Variants in KRT18 observed in about 807,000 individuals in gnomAD.
KRT18 encodes the protein keratin 18, also known as keratin, type I cytoskeletal 18.
A neutral mutation model predicts 39.9 loss-of-function variants in KRT18; 8 were observed. The observed-to-expected ratio is 0.20, with a 90% CI of 0.12 to 0.36. The LOEUF (loss-of-function observed/expected upper bound fraction) is 0.36, where lower values mean the gene tolerates loss of function less well. Among genes scored for constraint, KRT18 ranks in the 10% least tolerant of loss-of-function variants. KRT18 has a pLI of 1.00. For synonymous variants in KRT18, 194 were observed against 227.8 expected (o/e 0.85, Z 1.33); for missense variants, 396 against 565.7 (o/e 0.70, Z 3.04).
At chr12:52,949,986 G>A in intron 1 of KRT18, 1 of 610,948 alleles carries the variant, frequency 1.6e-6, no homozygotes, top group South Asian at 2.0e-5. Context: ...AGCCAATCCA[G>A]GGTGTAGGGG....
intron 3 of KRT18, 70 bp downstream of exon 3, chr12:52,950,976 G>A: frequency 6.9e-7 from 1 of 1,447,962 alleles, no homozygotes; most frequent in South Asian, 1.2e-5. Flanking sequence ...GAATAGACAA[G>A]ACAAACCAAC....
intron 5 of KRT18, 116 bp downstream of exon 5, chr12:52,951,972 A>G (rs2120779009): frequency 7.0e-7 from 1 of 1,424,982 alleles, no homozygotes; most frequent in East Asian, 2.3e-5. Flanking sequence ...AGAAAGAGTC[A>G]GTTTCCTCTT....
chr12:52,949,215 G>A lies in KRT18; in HGVS notation c.42G>A (p.Arg14=), dbSNP rs760023196. ...GCTCCACCTTCTCCACCAACTACCGGTCCCTGGGCTCTGTCCAGGCGCCCA... is the reference window on the plus strand; with the variant it reads ...GCTCCACCTTCTCCACCAACTACCGATCCCTGGGCTCTGTCCAGGCGCCCA... ...TTRSTFSTNY[R]SLGSVQAPSY... The change falls in exon 1 of 7, where the codon CGG becomes CGA. Residue 14 remains arginine (R), a synonymous_variant. Coordinates refer to ENST00000388835, the MANE Select transcript of KRT18 (RefSeq NM_000224.3). 7.4e-6 allele frequency: 12 copies of A among 1,611,664 alleles called. No homozygotes were observed. Among genetic ancestry groups the A allele is most frequent in the Non-Finnish European group, 1.0e-5 (12 of 1,179,904 alleles).
chr12:52,948,971 C>T (rs1942403035), upstream of KRT18: 2 of 438,216 alleles, frequency 4.6e-6, no homozygotes, highest in Non-Finnish European at 7.9e-6. Flanking sequence ...GCGCGGAGGG[C>T]GCGGGGGTGG....
intron 6 of KRT18, 140 bp downstream of exon 6, chr12:52,952,482 G>T: frequency 1.3e-6 from 1 of 763,090 alleles, no homozygotes; most frequent in South Asian, 1.5e-5. Context: ...GTGCTCCTGT[G>T]TCTTCAAGGG....
chr12:52,951,906 ACCCAACCCTGT>A, intron 5 of KRT18, 50 bp downstream of exon 5: 1 of 1,602,670 alleles, frequency 6.2e-7, no homozygotes, highest in Admixed American at 1.7e-5. Context: ...TTGGCCTCAG[ACCCAACCCTGT>A]CTCAACCCAA....
chr12:52,949,023 G>C, upstream of KRT18: 1 of 700,198 alleles, frequency 1.4e-6, no homozygotes, highest in Admixed American at 2.7e-5. Context: ...CGCGGGCTCC[G>C]AGCCGTCCAC....
At chr12:52,950,175 G>A (rs1304994508) in intron 1 of KRT18, 153 bp from the exon 2 acceptor site, 2 of 750,750 alleles carry the variant, frequency 2.7e-6, no homozygotes, top group Non-Finnish European at 4.9e-6. Context: ...ATGGGGTGGG[G>A]CTAGATGAAA....
chr12:52,951,933 A>T lies in KRT18; in HGVS notation c.948+77A>T, dbSNP rs1307276970. ...CCAACCCTGTCTCAACCCAAATCCT[A>T]TCCCTCATATCATGAGTTCCTTTAG... On this transcript the variant is annotated intron_variant, in intron 5 of 6. Transcript: ENST00000388835. The T allele has an allele frequency of 1.0e-5, 16 of 1,550,144 alleles. 1 individual carries two copies. The East Asian group carries it at 3.4e-4, about 33-fold the overall frequency.
rs1023351236 is a variant in KRT18 at position 52,952,894 on chromosome 12, A to G, written c.*52A>G. ...GGAGCAGGAGGCCAATAAAAAGTTC[A>G]GAGTTCATTGGATGTCACTTTGTCT... On this transcript the variant is annotated 3_prime_UTR_variant, in exon 7 of 7. Coordinates refer to ENST00000388835, the MANE Select transcript of KRT18 (RefSeq NM_000224.3). 1.9e-6 allele frequency: 3 copies of G among 1,543,420 alleles called. No homozygotes were observed. The highest frequency in any genetic ancestry group is 1.7e-5 in the Admixed American group (1 of 59,862).
chr12:52,949,215 G>C lies in KRT18; in HGVS notation c.42G>C (p.Arg14=), dbSNP rs760023196. ...GCTCCACCTTCTCCACCAACTACCG[G>C]TCCCTGGGCTCTGTCCAGGCGCCCA... ...TTRSTFSTNY[R]SLGSVQAPSY... Residue 14 remains arginine (R), a synonymous_variant, in exon 1 of 7, where the codon CGG becomes CGC. Coordinates refer to ENST00000388835, the MANE Select transcript of KRT18 (RefSeq NM_000224.3). 6.2e-7 allele frequency: 1 copy of C among 1,611,784 alleles called. No homozygotes were observed.
chr12:52,951,421 A>G (rs921160993), intron 3 of KRT18, 60 bp from the exon 4 acceptor site: 58 of 1,532,362 alleles, frequency 3.8e-5, no homozygotes, highest in Middle Eastern at 3.4e-4. Flanking sequence ...ATCACAGAAG[A>G]AAGGCCTTGT....
At chr12:52,949,059 T>G (rs920275137), upstream of KRT18, 1 of 1,025,860 alleles carries the variant, frequency 9.7e-7, no homozygotes, top group Non-Finnish European at 1.5e-6. Flanking sequence ...CCGAAGCGGC[T>G]CCGGGGCGGG....
intron 1 of KRT18, 48 bp from the exon 2 acceptor site, chr12:52,950,280 T>A: frequency 7.4e-7 from 1 of 1,351,930 alleles, no homozygotes; most frequent in Non-Finnish European, 1.1e-6. Flanking sequence ...ACCCCACCCA[T>A]CCCTGGCTTT....
chr12:52,951,589 T>A lies in KRT18; in HGVS notation c.766T>A (p.Tyr256Asn). Residue 256 changes from tyrosine to asparagine, a missense_variant, in exon 4 of 7, where the codon TAT becomes AAT. Tyr to Asn is a moderately radical substitution (Grantham distance 143, BLOSUM62 -2). Transcript: ENST00000388835. Reference sequence around the variant, plus strand: ...GATCATGGCAGACATCCGGGCCCAATATGACGAGCTGGCTCGGAAGAACCG... The same window carrying A: ...GATCATGGCAGACATCCGGGCCCAAAATGACGAGCTGGCTCGGAAGAACCG... ...AKIMADIRAQ[Y>N]DELARKNREE... 1 of 1,613,996 alleles carries A rather than the reference T, an allele frequency of 6.2e-7. No individual in the cohort carries two copies. The highest frequency in any genetic ancestry group is 8.5e-7 in the Non-Finnish European group (1 of 1,179,996).
In KRT18 at chr12:52,950,917, GCCACTGGC is replaced by G; in HGVS notation, c.657+13_657+20del. The G allele has an allele frequency of 6.4e-7, 1 of 1,562,824 alleles. No homozygotes were observed. The highest frequency in any genetic ancestry group is 1.2e-5 in the South Asian group (1 of 85,648). On this transcript the variant is annotated intron_variant, in intron 3 of 6. Coordinates refer to ENST00000388835, the MANE Select transcript of KRT18 (RefSeq NM_000224.3). ...AAGAACCACGAAGAGGCAAGCAGGG[GCCACTGGC>G]CAGGCCAGGGATTGAGGGGCCAAGA... is the stretch of plus-strand genomic sequence containing the variant.
rs746953552 is a variant in KRT18, at chr12:52,950,454, A to G, written c.500+44A>G. 4 of 1,392,992 alleles carry G rather than the reference A, an allele frequency of 2.9e-6. No homozygotes were observed. In the African/African-American group the frequency reaches 4.3e-5, roughly 15 times the overall value. The allele number at this position is 1,392,992 out of a possible 1,614,324, so 86.3% of individuals were successfully genotyped here. On this transcript the variant is annotated intron_variant, in intron 2 of 6. Coordinates refer to ENST00000388835, the MANE Select transcript of KRT18 (RefSeq NM_000224.3). ...GAGCTGGGGGTCCAGGGGTGGAGCT[A>G]AGAAGGATCTGCTCCCCAGGCTGGG...
chr12:52,951,898 G>A (rs1942497299), intron 5 of KRT18, 42 bp downstream of exon 5: 1 of 1,603,068 alleles, frequency 6.2e-7, no homozygotes, highest in African/African-American at 1.3e-5. Context: ...TCCTTCACTT[G>A]GCCTCAGACC....
intron 1 of KRT18, 156 bp from the exon 2 acceptor site, chr12:52,950,172 G>C (rs543889717): frequency 1.3e-6 from 1 of 746,390 alleles, no homozygotes. Flanking sequence ...GGAATGGGGT[G>C]GGGCTAGATG....
Sources: allele counts gnomAD v4.1 joint callset, GRCh38; gene constraint gnomAD v4.1.1; transcripts MANE v1.5; gene names NCBI Gene and HGNC (gene_info 2026-07-23, HGNC 2026-07-21).